NALF1: variants seen among roughly 807,000 people sequenced by gnomAD.
NALF1 encodes the protein NALCN channel auxiliary factor 1.
A neutral mutation model predicts 48.4 loss-of-function variants in NALF1; 3 were observed. The ratio of observed to expected loss-of-function variants is 0.06; its 90% CI spans 0.03 to 0.16. The LOEUF is 0.16. Ranked by LOEUF, NALF1 falls within the 10% of genes least tolerant of loss-of-function variation. NALF1 has a pLI of 1.00. For synonymous variants in NALF1, 262 were observed against 245.7 expected, an observed-to-expected ratio of 1.07 and a Z score of -0.62; for missense variants, 526 against 571.5, an observed-to-expected ratio of 0.92 and a Z score of 0.81.
chr13:107,844,811 C>T (rs74112676), intron 1 of NALF1, among the ~76,000 whole-genome samples: 2,786 of 152,222 alleles, frequency 0.018, 91 homozygotes, highest in African/African-American at 0.064. Flanking sequence ...TAAACTGTGC[C>T]TAATTTCCTC....
chr13:107,434,954 T>C (rs1359962172), intron 1 of NALF1, among the ~76,000 whole-genome samples: 1 of 152,176 alleles, frequency 6.6e-6, no homozygotes, highest in African/African-American at 2.4e-5. Context: ...ACATCGATCT[T>C]CTCAACTTCA....
chr13:107,414,750 T>C (rs1884055691), intron 1 of NALF1, among the ~76,000 whole-genome samples: 1 of 152,036 alleles, frequency 6.6e-6, no homozygotes, highest in South Asian at 2.1e-4. Context: ...ATTATTTCCA[T>C]AAAATTTACT....
chr13:107,827,362 T>C (rs577637206), intron 1 of NALF1, among the ~76,000 whole-genome samples: 1 of 152,316 alleles, frequency 6.6e-6, no homozygotes, highest in African/African-American at 2.4e-5. Context: ...ACCTGAAAGA[T>C]CTGAAGGATT....
intron 1 of NALF1, among the ~76,000 whole-genome samples, chr13:107,295,375 T>A (rs1440436767): frequency 6.6e-6 from 1 of 152,244 alleles, no homozygotes; most frequent in Non-Finnish European, 1.5e-5. Flanking sequence ...TACATTTGCT[T>A]TATCTAATCC....
At chr13:107,679,037 C>T (rs957776932) in intron 1 of NALF1, among the ~76,000 whole-genome samples, 14 of 152,166 alleles carry the variant, frequency 9.2e-5, no homozygotes, top group African/African-American at 3.4e-4. Context: ...GTCTTTAAGG[C>T]CCTTTAAAGG....
intron 2 of NALF1, among the ~76,000 whole-genome samples, chr13:107,200,173 C>T (rs1267482884): frequency 6.6e-6 from 1 of 152,210 alleles, no homozygotes; most frequent in Non-Finnish European, 1.5e-5. Context: ...AGCAGAAGCA[C>T]AGGGTGCTCT....
intron 1 of NALF1, among the ~76,000 whole-genome samples, chr13:107,318,129 C>CT (rs1882186053): frequency 6.6e-6 from 1 of 151,970 alleles, no homozygotes; most frequent in African/African-American, 2.4e-5. Context: ...AGCAAATAAT[C>CT]TTTTTTCTAT....
intron 1 of NALF1, among the ~76,000 whole-genome samples, chr13:107,262,310 G>A (rs758081879): frequency 7.9e-5 from 12 of 152,134 alleles, no homozygotes; most frequent in Non-Finnish European, 1.2e-4. Flanking sequence ...AGCTACTCAG[G>A]AGGCTGAGAC....
rs77739041 is a variant in NALF1 at position 107,240,907 on chromosome 13, T to C, written c.916-30152A>G. Among the ~76,000 whole-genome samples the C allele has an allele frequency of 1.4e-4, 21 of 152,074 alleles. 1 individual carries two copies. The East Asian group carries it at 4.1e-3, about 29-fold the overall frequency. ...ATGTCTTAGAATGGTGTCTTAGTTC[T>C]TTTTTTGCTGCTAAAACAGAATGCC... On this transcript the variant is annotated intron_variant, in intron 1 of 2. Coordinates refer to ENST00000375915, the MANE Select transcript of NALF1 (RefSeq NM_001080396.3).
chr13:107,548,007 G>A lies in NALF1; in HGVS notation c.915+317675C>T, dbSNP rs138373183. Among the ~76,000 whole-genome samples the A allele has an allele frequency of 4.6e-5, 7 of 152,068 alleles. No individual in the cohort carries two copies. The East Asian group carries it at 9.7e-4, about 21-fold the overall frequency. The stretch of plus-strand genomic sequence containing the variant: ...TTAAATTTTAGGTTCAGGAGTGCAC[G>A]TGCAGGTTTGTTATATAGGTGAACT... On this transcript the variant is annotated intron_variant, in intron 1 of 2. Transcript: ENST00000375915.
intron 2 of NALF1, among the ~76,000 whole-genome samples, chr13:107,195,528 C>T (rs1172413920): frequency 6.6e-6 from 1 of 152,218 alleles, no homozygotes; most frequent in Admixed American, 6.5e-5. Flanking sequence ...ACTCTCCACA[C>T]TTACTTTCAA....
intron 1 of NALF1, among the ~76,000 whole-genome samples, chr13:107,232,301 A>G (rs1330649594): frequency 6.6e-6 from 1 of 152,212 alleles, no homozygotes; most frequent in Non-Finnish European, 1.5e-5. Flanking sequence ...GCGAACCGGT[A>G]AGACTATCTG....
chr13:107,180,224 C>A (rs2138773700), intron 2 of NALF1, among the ~76,000 whole-genome samples: 1 of 151,956 alleles, frequency 6.6e-6, no homozygotes, highest in East Asian at 1.9e-4. Flanking sequence ...AAAAAGTCCT[C>A]ATTTTTCACA....
rs530732800 is a variant in NALF1 at position 107,206,627 on chromosome 13, A to G, written c.1087+3957T>C. ...AGGGGTGATATTCCCTTTTTTGTGA[A>G]TAATAGGAATCCTAGGTATCAGTAT... On this transcript the variant is annotated intron_variant, in intron 2 of 2. Coordinates refer to ENST00000375915, the MANE Select transcript of NALF1 (RefSeq NM_001080396.3). 5.9e-5 allele frequency among the ~76,000 whole-genome samples: 9 copies of G among 152,230 alleles called. No individual in the cohort carries two copies. The South Asian group carries it at 1.9e-3, about 32-fold the overall frequency.
chr13:107,421,397 T>G lies in NALF1; in HGVS notation c.916-210642A>C, dbSNP rs547455546. 3.9e-5 allele frequency among the ~76,000 whole-genome samples: 6 copies of G among 152,310 alleles called. No individual in the cohort carries two copies. The East Asian group carries it at 1.2e-3, about 29-fold the overall frequency. ...CTTTACTGAGACTATGTTGTGTAAT[T>G]TATGGAAATAAAATATCTATTTGTT... On this transcript the variant is annotated intron_variant, in intron 1 of 2. Coordinates refer to ENST00000375915, the MANE Select transcript of NALF1 (RefSeq NM_001080396.3).
Position 107,275,700 on chromosome 13 carries a change from G to T in NALF1, c.916-64945C>A, listed in dbSNP as rs1233852734. Among the ~76,000 whole-genome samples the T allele has an allele frequency of 2.0e-5, 3 of 152,046 alleles. No individual in the cohort carries two copies. In the East Asian group the frequency reaches 5.8e-4, roughly 29 times the overall value. On this transcript the variant is annotated intron_variant, in intron 1 of 2. Transcript: ENST00000375915. Reference sequence around the variant, plus strand: ...CAGATACATAACAAATAATTTCTTGGTCTAAGCGTGTCTCCAACATTGCAT... The same window carrying T: ...CAGATACATAACAAATAATTTCTTGTTCTAAGCGTGTCTCCAACATTGCAT...
intron 2 of NALF1, among the ~76,000 whole-genome samples, chr13:107,171,036 T>C (rs919619199): frequency 1.3e-5 from 2 of 152,226 alleles, no homozygotes; most frequent in African/African-American, 4.8e-5. Flanking sequence ...TTGTTGGGAA[T>C]ACAGAATAGA....
chr13:107,455,256 T>A (rs910535724), intron 1 of NALF1, among the ~76,000 whole-genome samples: 1 of 152,264 alleles, frequency 6.6e-6, no homozygotes, highest in African/African-American at 2.4e-5. Context: ...ATAAATTACC[T>A]AGTCTCTGGT....
chr13:107,571,287 C>T (rs1428586052), intron 1 of NALF1, among the ~76,000 whole-genome samples: 2 of 152,022 alleles, frequency 1.3e-5, no homozygotes, highest in African/African-American at 2.4e-5. Context: ...ACTGGAAAGA[C>T]CAAAGTATGA....
Sources: gnomAD v4.1 joint callset for allele counts (sites outside exome capture counted in the v4.1 genomes callset) on GRCh38, gnomAD v4.1.1 for gene constraint, MANE v1.5 for transcripts, NCBI Gene and HGNC (gene_info 2026-07-23, HGNC 2026-07-21) for gene names.